CLASP2: variants seen among roughly 807,000 people sequenced by gnomAD.
CLASP2 encodes cytoplasmic linker associated protein 2.
CLASP2 carries 47 observed loss-of-function variants against 194.4 expected under a neutral mutation model. That is an observed-to-expected ratio of 0.24 (90% CI 0.19 to 0.31). The LOEUF is 0.31. Ranked by LOEUF, CLASP2 falls within the 10% of genes least tolerant of loss-of-function variation. CLASP2 has a pLI of 1.00. For synonymous variants in CLASP2, 619 were observed against 633.5 expected, an observed-to-expected ratio of 0.98 and a Z score of 0.34; for missense variants, 1,445 against 1,823.6, an observed-to-expected ratio of 0.79 and a Z score of 3.78.
At chr3:33,505,227 A>AAAC (rs397874790) in intron 37 of CLASP2, 12,155 of 117,392 alleles carry the variant, frequency 0.1, 531 homozygotes, top group African/African-American at 0.11. Flanking sequence ...CCAGAGATAA[A>AAAC]AACAACAACA....
intron 8 of CLASP2, among the ~76,000 whole-genome samples, chr3:33,636,012 C>T (rs1044802713): frequency 3.3e-5 from 5 of 152,122 alleles, no homozygotes; most frequent in African/African-American, 1.2e-4. Context: ...GAAAAGAATC[C>T]TGGTAGTTAG....
At chr3:33,564,384 TAGCTACTTCGAATA>T (rs2062301283) in intron 27 of CLASP2, among the ~76,000 whole-genome samples, 1 of 152,216 alleles carries the variant, frequency 6.6e-6, no homozygotes, top group Non-Finnish European at 1.5e-5. Flanking sequence ...GGACTCAGGC[TAGCTACTTCGAATA>T]AGCCCTTTAT....
chr3:33,692,194 A>G (rs777165517), intron 2 of CLASP2, among the ~76,000 whole-genome samples: 143 of 152,044 alleles, frequency 9.4e-4, no homozygotes, highest in Non-Finnish European at 1.4e-3. Context: ...AAATAAATAA[A>G]TATCTATACA....
At chr3:33,694,241 CATAT>C (rs777645251) in intron 2 of CLASP2, among the ~76,000 whole-genome samples, 10 of 152,078 alleles carry the variant, frequency 6.6e-5, no homozygotes, top group Non-Finnish European at 1.2e-4. Context: ...GGAGAAGGAA[CATAT>C]ATGGTAAAAG....
At chr3:33,608,661 G>GT (rs926423667) in intron 13 of CLASP2, 35 bp from the exon 14 acceptor site, 1 of 1,397,122 alleles carries the variant, frequency 7.2e-7, no homozygotes, top group African/African-American at 1.4e-5. Flanking sequence ...ACTAAATGTT[G>GT]TATTGAGAAA....
chr3:33,555,366 AT>A (rs68163303), intron 29 of CLASP2, among the ~76,000 whole-genome samples: 33,124 of 141,772 alleles, frequency 0.23, 4,003 homozygotes, highest in Admixed American at 0.33. Context: ...TAATATTCTG[AT>A]TTTTTTTTTT....
intron 6 of CLASP2, among the ~76,000 whole-genome samples, chr3:33,672,367 G>C (rs889102472): frequency 3.3e-4 from 50 of 152,176 alleles, no homozygotes; most frequent in Non-Finnish European, 6.6e-4. Flanking sequence ...AATTCCAACA[G>C]ACCTGCAGCT....
intron 34 of CLASP2, among the ~76,000 whole-genome samples, chr3:33,527,966 A>C (rs2055072196): frequency 6.6e-6 from 1 of 152,104 alleles, no homozygotes; most frequent in Admixed American, 6.6e-5. Context: ...GTCTCAAAAC[A>C]AAACAAAAAA....
At chr3:33,553,981 C>CTT (rs769852179) in intron 29 of CLASP2, among the ~76,000 whole-genome samples, 15 of 152,094 alleles carry the variant, frequency 9.9e-5, no homozygotes, top group Non-Finnish European at 2.1e-4. Flanking sequence ...AATCCCAGCA[C>CTT]TTTGAAAGGC....
chr3:33,607,143 T>A (rs549051564), intron 15 of CLASP2, among the ~76,000 whole-genome samples: 15 of 152,326 alleles, frequency 9.8e-5, no homozygotes, highest in African/African-American at 3.4e-4. Flanking sequence ...GATAGTCTTT[T>A]TATTCATGAT....
At chr3:33,608,175 C>A (rs2154261943) in intron 14 of CLASP2, among the ~76,000 whole-genome samples, 1 of 152,254 alleles carries the variant, frequency 6.6e-6, no homozygotes, top group African/African-American at 2.4e-5. Flanking sequence ...GAGAAACCTC[C>A]CAACAAATAT....
intron 7 of CLASP2, among the ~76,000 whole-genome samples, chr3:33,651,606 T>G (rs902563834): frequency 1.3e-5 from 2 of 151,312 alleles, no homozygotes; most frequent in Non-Finnish European, 2.9e-5. Flanking sequence ...TTTCTTTTTC[T>G]CACTTCGGGA....
intron 21 of CLASP2, 150 bp downstream of exon 21, chr3:33,592,245 G>T: frequency 1.4e-6 from 1 of 718,026 alleles, no homozygotes; most frequent in Non-Finnish European, 2.5e-6. Context: ...TGAACCTAAA[G>T]TACAGAACAA....
In CLASP2 at chr3:33,717,951, C is replaced by G. The variant is rs376359397; in HGVS notation, c.52G>C (p.Val18Leu). Residue 18 changes from valine (V) to leucine (L), a missense_variant, in exon 1 of 39, where the codon GTC becomes CTC. Physicochemically the swap from Val to Leu is conservative, Grantham distance 32. This residue lies in a region of CLASP2 where 332 missense variants were observed against 325.3 expected (regional missense o/e 1.02). Coordinates refer to ENST00000682230, the MANE Select transcript of CLASP2 (RefSeq NM_001365631.1). ...TGGCCGACCTGCAGCCGGCCGCCGACGTCCTTCTGCTGCACCTGGGCGCAG... is the reference window on the plus strand; with the variant it reads ...TGGCCGACCTGCAGCCGGCCGCCGAGGTCCTTCTGCTGCACCTGGGCGCAG... ...YFCAQVQQKD[V>L]GGRLQVGQEL... The G allele has an allele frequency of 7.0e-4, 1,082 of 1,545,178 alleles. 2 individuals are homozygous for G. Among genetic ancestry groups the G allele is most frequent in the Non-Finnish European group, 9.0e-4 (1,034 of 1,146,806 alleles).
At chr3:33,710,488 A>C (rs1288442562) in intron 1 of CLASP2, among the ~76,000 whole-genome samples, 1 of 152,182 alleles carries the variant, frequency 6.6e-6, no homozygotes, top group Non-Finnish European at 1.5e-5. Context: ...CCAGAGGGTC[A>C]CTTGAGCCCA....
intron 24 of CLASP2, among the ~76,000 whole-genome samples, chr3:33,573,888 A>T (rs561809877): frequency 3.3e-5 from 5 of 152,220 alleles, no homozygotes; most frequent in Admixed American, 1.3e-4. Context: ...CATGTCTCCT[A>T]GAGAAATAAA....
chr3:33,685,304 T>C (rs2090500818), intron 5 of CLASP2, among the ~76,000 whole-genome samples: 1 of 130,296 alleles, frequency 7.7e-6, no homozygotes, highest in South Asian at 2.5e-4. Flanking sequence ...ATCACGCCAT[T>C]GCTCTCCAGC....
intron 24 of CLASP2, chr3:33,574,413 T>C (rs538884119): frequency 1.5e-4 from 155 of 1,012,594 alleles, no homozygotes; most frequent in East Asian, 5.3e-4. Context: ...ATTTGTTAAA[T>C]TGATGAAAGA....
intron 16 of CLASP2, 112 bp from the exon 17 acceptor site, chr3:33,604,321 T>A: frequency 2.5e-5 from 4 of 162,898 alleles, no homozygotes; most frequent in Non-Finnish European, 4.5e-5. Flanking sequence ...TTCTTTTTTC[T>A]TTTTTTTTTT....
Sources: allele counts gnomAD v4.1 joint callset (sites outside exome capture counted in the v4.1 genomes callset), GRCh38; gene constraint gnomAD v4.1.1; regional missense constraint gnomAD v4.1.1; transcripts MANE v1.5; gene names NCBI Gene and HGNC (gene_info 2026-07-23, HGNC 2026-07-21).